Variants in KIF13A observed in about 807,000 individuals in gnomAD.
KIF13A encodes kinesin family member 13A, also known as kinesin-like protein KIF13A.
Under a neutral mutation model 212.2 loss-of-function variants are expected in KIF13A, and 79 were observed. The ratio of observed to expected loss-of-function variants is 0.37; its 90% CI spans 0.31 to 0.45. KIF13A has a LOEUF of 0.45. Ranked by LOEUF, KIF13A falls within the 20% of genes least tolerant of loss-of-function variation. The pLI, the probability that KIF13A is intolerant of heterozygous loss-of-function variation, is 1.00. For synonymous variants in KIF13A, 789 were observed against 808.6 expected, an observed-to-expected ratio of 0.98 and a Z score of 0.41; for missense variants, 1,901 against 2,209.0, an observed-to-expected ratio of 0.86 and a Z score of 2.79.
Position 17,952,656 on chromosome 6 carries a change from C to T in KIF13A, c.146+34398G>A, listed in dbSNP as rs200420738. ...ACTCTGTAAGAAAAGAAAAGCCGGG[C>T]GTGGTGGCTCATGCCTGTAATCCCA... On this transcript the variant is annotated intron_variant, in intron 2 of 38. Transcript: ENST00000259711. Among the ~76,000 whole-genome samples, 8 of 150,382 alleles carry T rather than the reference C, an allele frequency of 5.3e-5. No individual in the cohort carries two copies. The East Asian group carries it at 8.0e-4, about 15-fold the overall frequency.
At chr6:17,859,237 AC>A (rs1768456859) in intron 4 of KIF13A, among the ~76,000 whole-genome samples, 1 of 152,156 alleles carries the variant, frequency 6.6e-6, no homozygotes, top group Non-Finnish European at 1.5e-5. Flanking sequence ...AATGAAACAA[AC>A]CACCAGGATG....
chr6:17,764,049 A>G lies in KIF13A; in HGVS notation c.*61T>C. The G allele has an allele frequency of 6.4e-7, 1 of 1,551,588 alleles. No individual in the cohort carries two copies. Among genetic ancestry groups the G allele is most frequent in the Non-Finnish European group, 8.7e-7 (1 of 1,148,702 alleles). On this transcript the variant is annotated 3_prime_UTR_variant, in exon 39 of 39. Transcript: ENST00000259711. This position sits in a 1 kb window ranked among gnomAD's most constrained non-coding sequence, Gnocchi z 5.1. ...TTTGCTGTCACAAACAACTGGATGA[A>G]TCTTTCCTACCAAGTTGTTGCGGTG...
At position 17,825,587 on chromosome 6, in the gene KIF13A, G is replaced by A. The variant is rs1472335499; in HGVS notation, c.1786+181C>T. ...CCATATCCTCATTGTAACTGAGGGA[G>A]AAGACCATCTCCCCCACATCTTGTC... On this transcript the variant is annotated intron_variant, in intron 16 of 38. Transcript: ENST00000259711. This position sits in a 1 kb window ranked among gnomAD's most constrained non-coding sequence, Gnocchi z 4.5. Among the ~76,000 whole-genome samples the A allele has an allele frequency of 1.3e-5, 2 of 152,202 alleles. No homozygotes were observed. The highest frequency in any genetic ancestry group is 4.8e-5 in the African/African-American group (2 of 41,452).
At chr6:17,770,361 A>ATTTTTTTTTTTTTTTTTTTTTTTTTTT (rs200616640) in intron 38 of KIF13A, 2 of 119,446 alleles carry the variant, frequency 1.7e-5, no homozygotes, top group Non-Finnish European at 3.5e-5. Flanking sequence ...AATAAACAGG[A>ATTTTTTTTTTTTTTTTTTTTTTTTTTT]TTTTTTTTTT....
At chr6:17,767,632 A>T (rs967751026) in intron 38 of KIF13A, among the ~76,000 whole-genome samples, 1 of 152,220 alleles carries the variant, frequency 6.6e-6, no homozygotes, top group Non-Finnish European at 1.5e-5. Flanking sequence ...TCCAAGTCCA[A>T]GCATACCTGA....
rs1758742043 is a variant in KIF13A, at chr6:17,764,204, T to A, written c.5324A>T (p.Asp1775Val). The A allele has an allele frequency of 1.2e-6, 2 of 1,613,914 alleles. No homozygotes were observed. Among genetic ancestry groups the A allele is most frequent in the African/African-American group, 1.3e-5 (1 of 74,930 alleles). Residue 1775 changes from aspartate to valine, a missense_variant, in exon 39 of 39, where the codon GAT becomes GTT. Asp to Val is a radical substitution (Grantham distance 152). Coordinates refer to ENST00000259711, the MANE Select transcript of KIF13A (RefSeq NM_022113.6). This position sits in a 1 kb window ranked among gnomAD's most constrained non-coding sequence, Gnocchi z 5.1. ...CAGCTGGCTGGGGTGGTGGAGCCCA[T>A]CGGAGACAGTCTTGCCGCCTGTTTT... is the stretch of plus-strand genomic sequence containing the variant. ...PNKTGGKTVS[D>V]GLHHPSQLHS...
At position 17,789,892 on chromosome 6, in the gene KIF13A, C is replaced by T; in HGVS notation, c.3241G>A (p.Asp1081Asn). Residue 1081 changes from aspartate (D) to asparagine (N), a missense_variant, in exon 26 of 39, where the codon GAT becomes AAT. Around this residue, in one of 5 missense-constraint regions of KIF13A, gnomAD observed 168 missense variants for 250.9 expected, o/e 0.67. Coordinates refer to ENST00000259711, the MANE Select transcript of KIF13A (RefSeq NM_022113.6). This position sits in a 1 kb window ranked among gnomAD's most constrained non-coding sequence, Gnocchi z 4.8. Reference sequence around the variant, plus strand: ...AATACCTGATAACTATCCATATCATCACCATCCTCATCATCTCTCTGGTAG... The same window carrying T: ...AATACCTGATAACTATCCATATCATTACCATCCTCATCATCTCTCTGGTAG... Reference protein sequence around the residue: ...DSYQRDDEDGDDMDSYQEEDL... With the variant: ...DSYQRDDEDGNDMDSYQEEDL... The T allele has an allele frequency of 6.2e-7, 1 of 1,613,288 alleles. No individual in the cohort carries two copies. The highest frequency in any genetic ancestry group is 8.5e-7 in the Non-Finnish European group (1 of 1,179,450).
intron 17 of KIF13A, among the ~76,000 whole-genome samples, chr6:17,810,347 A>G (rs1763326276): frequency 6.6e-6 from 1 of 152,180 alleles, no homozygotes; most frequent in South Asian, 2.1e-4. Flanking sequence ...AAGGCCTTGC[A>G]GGGCTCCTCT....
At position 17,971,758 on chromosome 6, in the gene KIF13A, T is replaced by C. The variant is rs1228633099; in HGVS notation, c.146+15296A>G. On this transcript the variant is annotated intron_variant, in intron 2 of 38. Coordinates refer to ENST00000259711, the MANE Select transcript of KIF13A (RefSeq NM_022113.6). This position sits in a 1 kb window ranked among gnomAD's most constrained non-coding sequence, Gnocchi z 4.2. ...TTTTAGTGTGATTACTCGGCATATT[T>C]AAAAGAGGCTGGGAACTCTCTGTTT... 6.6e-6 allele frequency among the ~76,000 whole-genome samples: 1 copy of C among 152,130 alleles called. No individual in the cohort carries two copies. Among genetic ancestry groups the C allele is most frequent in the Non-Finnish European group, 1.5e-5 (1 of 68,016 alleles).
At chr6:17,854,077 T>C (rs961632851) in intron 6 of KIF13A, among the ~76,000 whole-genome samples, 1 of 152,178 alleles carries the variant, frequency 6.6e-6, no homozygotes, top group African/African-American at 2.4e-5. Flanking sequence ...AATATAAACA[T>C]TTTCTTTGAT....
At chr6:17,800,197 G>A (rs1762365923) in intron 20 of KIF13A, 84 bp from the exon 21 acceptor site, 1 of 1,301,664 alleles carries the variant, frequency 7.7e-7, no homozygotes, top group Non-Finnish European at 1.0e-6. Flanking sequence ...CTTCTACAGT[G>A]AACCTGGAGA....
intron 17 of KIF13A, chr6:17,812,224 G>A (rs1333511086): frequency 6.6e-6 from 1 of 152,002 alleles, no homozygotes; most frequent in African/African-American, 2.4e-5. Context: ...ACATGCACAG[G>A]TTTGTTATAC....
downstream of KIF13A, chr6:17,760,690 G>A (rs1758543720): frequency 1.6e-6 from 1 of 627,590 alleles, no homozygotes; most frequent in Non-Finnish European, 2.9e-6. Flanking sequence ...TCCCACTGGG[G>A]AGGGGAAAGG....
At position 17,771,854 on chromosome 6, in the gene KIF13A, C is replaced by T. The variant is rs541052606; in HGVS notation, c.4476+54G>A. 2.6e-6 allele frequency: 4 copies of T among 1,567,336 alleles called. No homozygotes were observed. In the Admixed American group the frequency reaches 5.1e-5, roughly 20 times the overall value. On this transcript the variant is annotated intron_variant, in intron 37 of 38. Coordinates refer to ENST00000259711, the MANE Select transcript of KIF13A (RefSeq NM_022113.6). The surrounding 1 kb of genome is among the most constrained non-coding windows in gnomAD (Gnocchi z 5.4). ...CTTGTTAATGCACACTGCTGCTTCA[C>T]AGGTGACACAACTCTGCTCTATTCT... is the stretch of plus-strand genomic sequence containing the variant.
intron 14 of KIF13A, among the ~76,000 whole-genome samples, chr6:17,827,515 AT>A (rs35848228): frequency 0.41 from 58,952 of 142,288 alleles, 11,787 homozygotes; most frequent in South Asian, 0.48. Context: ...TTCTCTCTAC[AT>A]TTTTTTTTTT....
chr6:17,808,344 C>T (rs2150343635), intron 18 of KIF13A, among the ~76,000 whole-genome samples: 1 of 152,118 alleles, frequency 6.6e-6, no homozygotes, highest in East Asian at 1.9e-4. Flanking sequence ...TGAGATCATG[C>T]CATTGCACTC....
chr6:17,777,524 G>A lies in KIF13A; in HGVS notation c.4093-170C>T, dbSNP rs1055371166. Among the ~76,000 whole-genome samples the A allele has an allele frequency of 6.6e-6, 1 of 151,890 alleles. No individual in the cohort carries two copies. The highest frequency in any genetic ancestry group is 1.5e-5 in the Non-Finnish European group (1 of 67,976). On this transcript the variant is annotated intron_variant, in intron 33 of 38. Coordinates refer to ENST00000259711, the MANE Select transcript of KIF13A (RefSeq NM_022113.6). This position sits in a 1 kb window ranked among gnomAD's most constrained non-coding sequence, Gnocchi z 4.4. ...GTCTCCTGAGTAGCTGGGACTACAG[G>A]TGCACGCCACCACACTCGGCTAATT...
intron 3 of KIF13A, among the ~76,000 whole-genome samples, chr6:17,890,770 G>A (rs910913898): frequency 2.9e-4 from 40 of 136,088 alleles, no homozygotes; most frequent in African/African-American, 9.3e-4. Flanking sequence ...GGGACTACAG[G>A]GACATGTTAC....
At chr6:17,795,380 C>T (rs1436379955) in intron 23 of KIF13A, among the ~76,000 whole-genome samples, 1 of 148,820 alleles carries the variant, frequency 6.7e-6, no homozygotes, top group African/African-American at 2.5e-5. Context: ...GTCAGGAGTT[C>T]GAGACCAGCC....
Sources: allele counts gnomAD v4.1 joint callset (sites outside exome capture counted in the v4.1 genomes callset), GRCh38; gene constraint gnomAD v4.1.1; regional missense constraint gnomAD v4.1.1; non-coding constraint Gnocchi (gnomAD v3.1); transcripts MANE v1.5; gene names NCBI Gene and HGNC (gene_info 2026-07-23, HGNC 2026-07-21).